ATP1B4: variants seen among roughly 807,000 people sequenced by gnomAD.
The protein encoded by ATP1B4 is ATPase Na+/K+ transporting family member beta 4, also known as protein ATP1B4.
A neutral mutation model predicts 29.6 loss-of-function variants in ATP1B4; 32 were observed. The observed-to-expected ratio is 1.08, with a 90% confidence interval of 0.82 to 1.45. The LOEUF is 1.45. Among genes scored for constraint, ATP1B4 ranks in the 40% most tolerant of loss-of-function variants. ATP1B4 has a pLI of 0.00. For synonymous variants in ATP1B4, 127 were observed against 102.1 expected, an observed-to-expected ratio of 1.24 and a Z score of -1.47; for missense variants, 323 against 276.2, an observed-to-expected ratio of 1.17 and a Z score of -1.20.
chrX:120,378,006 C>G (rs769537812), intron 6 of ATP1B4, among the ~76,000 whole-genome samples: 175 of 111,801 alleles, frequency 1.6e-3, no homozygotes, highest in African/African-American at 5.4e-3. Flanking sequence ...CCCTACCTGA[C>G]ATAATGTGAT....
intron 2 of ATP1B4, among the ~76,000 whole-genome samples, chrX:120,370,038 G>A (rs962160782): frequency 8.9e-6 from 1 of 111,757 alleles, no homozygotes; most frequent in Non-Finnish European, 1.9e-5. Context: ...AGGAATTGGA[G>A]GTGCAAGGAA....
At chrX:120,378,574 G>A in intron 6 of ATP1B4, 104 bp from the exon 7 acceptor site, 2 of 685,792 alleles carry the variant, frequency 2.9e-6, no homozygotes, top group Middle Eastern at 3.5e-4. Context: ...GGAACAGTTG[G>A]TTATGGTTCA....
chrX:120,380,588 G>C lies in ATP1B4; in HGVS notation c.*954G>C, dbSNP rs2058377170. 1 of 112,080 alleles carries C rather than the reference G, an allele frequency of 8.9e-6. No individual in the cohort carries two copies. The highest frequency in any genetic ancestry group is 1.9e-5 in the Non-Finnish European group (1 of 53,234). 9.2% of individuals were successfully genotyped at this position (112,080 alleles called of 1,213,427 possible). A position where few individuals can be genotyped will look rare whatever the true frequency, so the allele number is the denominator to read the frequency against. ...TGCAAACAGGTTTTTCTCAGCTTCA[G>C]GCAGAGGAGACAACATGGAAGAAGA... is the stretch of plus-strand genomic sequence containing the variant. On this transcript the variant is annotated 3_prime_UTR_variant, in exon 8 of 8. Coordinates refer to ENST00000218008, the MANE Select transcript of ATP1B4 (RefSeq NM_001142447.3).
At position 120,383,197 on chromosome X, in the gene ATP1B4, TGAG is replaced by T. The variant is rs2058388072; in HGVS notation, c.*3567_*3569del. Reference sequence around the variant, plus strand: ...ATGTAAAAAAACATTTATATTGTCTTGAGGAGTTGTCAACAACAATAAATTGAA... The same window carrying T: ...ATGTAAAAAAACATTTATATTGTCTTGAGTTGTCAACAACAATAAATTGAA... On this transcript the variant is annotated 3_prime_UTR_variant, in exon 8 of 8. Transcript: ENST00000218008. 1 of 112,298 alleles carries T rather than the reference TGAG, an allele frequency of 8.9e-6. No individual in the cohort carries two copies. The allele number at this position is 112,298 out of a possible 1,213,427, so 9.3% of individuals were successfully genotyped here. A position where few individuals can be genotyped will look rare whatever the true frequency, so the allele number is the denominator to read the frequency against.
chrX:120,366,064 GGTGAA>G (rs1484383775), intron 1 of ATP1B4, among the ~76,000 whole-genome samples: 2 of 111,985 alleles, frequency 1.8e-5, no homozygotes, highest in African/African-American at 6.5e-5. Flanking sequence ...AACTTGAAAT[GGTGAA>G]GTTGAGCAGC....
intron 4 of ATP1B4, among the ~76,000 whole-genome samples, chrX:120,374,035 C>T (rs753956652): frequency 8.1e-5 from 9 of 111,213 alleles, no homozygotes; most frequent in Admixed American, 2.9e-4. Flanking sequence ...AACTGCCCAG[C>T]GGGTTCACCT....
chrX:120,379,751 C>G lies in ATP1B4; in HGVS notation c.*117C>G. On this transcript the variant is annotated 3_prime_UTR_variant, in exon 8 of 8. Coordinates refer to ENST00000218008, the MANE Select transcript of ATP1B4 (RefSeq NM_001142447.3). Reference sequence around the variant, plus strand: ...ACAGCCAGATGGACATCTAAGACAGCCGATCATCTTTCCTTGCCTATGACA... The same window carrying G: ...ACAGCCAGATGGACATCTAAGACAGGCGATCATCTTTCCTTGCCTATGACA... 1.3e-6 allele frequency: 1 copy of G among 751,640 alleles called. No homozygotes were observed. The highest frequency in any genetic ancestry group is 1.9e-6 in the Non-Finnish European group (1 of 536,579). 61.9% of individuals were successfully genotyped at this position (751,640 alleles called of 1,213,427 possible). A position where few individuals can be genotyped will look rare whatever the true frequency, so the allele number is the denominator to read the frequency against.
chrX:120,367,528 A>G (rs2058292151), intron 2 of ATP1B4, among the ~76,000 whole-genome samples: 3 of 111,781 alleles, frequency 2.7e-5, no homozygotes, highest in Non-Finnish European at 5.6e-5. Context: ...TTAAACTATT[A>G]ATGCTGAGCC....
At chrX:120,378,855 G>C (rs913067831) in intron 7 of ATP1B4, 82 bp downstream of exon 7, 1 of 889,844 alleles carries the variant, frequency 1.1e-6, no homozygotes, top group Non-Finnish European at 1.6e-6. Flanking sequence ...ATGAGAATTA[G>C]GGAGCAGGAG....
chrX:120,379,784 A>G lies in ATP1B4; in HGVS notation c.*150A>G. ...CTTTCCTTGCCTATGACATGTGTAT[A>G]AAATGACATTGTGGGAGCTGTTCGA... On this transcript the variant is annotated 3_prime_UTR_variant, in exon 8 of 8. Coordinates refer to ENST00000218008, the MANE Select transcript of ATP1B4 (RefSeq NM_001142447.3). 1.8e-6 allele frequency: 1 copy of G among 553,894 alleles called. No homozygotes were observed. The highest frequency in any genetic ancestry group is 5.9e-4 in the Middle Eastern group (1 of 1,691). The allele number at this position is 553,894 out of a possible 1,213,427, so 45.6% of individuals were successfully genotyped here.
At position 120,375,529 on chromosome X, in the gene ATP1B4, C is replaced by T. The variant is rs944120246; in HGVS notation, c.720C>T (p.Tyr240=). Residue 240 remains tyrosine (Y), a synonymous_variant, in exon 5 of 8, where the codon TAC becomes TAT. Coordinates refer to ENST00000218008, the MANE Select transcript of ATP1B4 (RefSeq NM_001142447.3). ...GTCTGGAGGACCCAACTTTTGGATA[C>T]TCTACTGGACAGCCCTGCATCCTTC... The part of the protein sequence containing the change: ...CSGLEDPTFG[Y]STGQPCILLK... 2 of 1,210,396 alleles carry T rather than the reference C, an allele frequency of 1.7e-6. No homozygotes were observed. Among genetic ancestry groups the T allele is most frequent in the Admixed American group, 4.4e-5 (2 of 45,839 alleles).
At chrX:120,371,508 A>T (rs990045061) in intron 4 of ATP1B4, among the ~76,000 whole-genome samples, 12 of 112,014 alleles carry the variant, frequency 1.1e-4, no homozygotes, top group African/African-American at 3.9e-4. Context: ...GAACATATCC[A>T]GATGGCTCAA....
chrX:120,382,590 C>G lies in ATP1B4; in HGVS notation c.*2956C>G, dbSNP rs2058385573. On this transcript the variant is annotated 3_prime_UTR_variant, in exon 8 of 8. Coordinates refer to ENST00000218008, the MANE Select transcript of ATP1B4 (RefSeq NM_001142447.3). ...CTGAGCTGCTGCTTACCAGAAAGTA[C>G]CATCTTCTTAAAAATCAATGAATGA... 8.9e-6 allele frequency: 1 copy of G among 111,983 alleles called. No homozygotes were observed. Among genetic ancestry groups the G allele is most frequent in the African/African-American group, 3.2e-5 (1 of 30,869 alleles). 9.2% of individuals were successfully genotyped at this position (111,983 alleles called of 1,213,427 possible). A position where few individuals can be genotyped will look rare whatever the true frequency, so the allele number is the denominator to read the frequency against.
At position 120,380,100 on chromosome X, in the gene ATP1B4, T is replaced by C. The variant is rs1307795505; in HGVS notation, c.*466T>C. ...TCTGCCTAAGCCGGGTGTGGTGGCA[T>C]GCATCTGTAGTCCCACCTATTCAGG... On this transcript the variant is annotated 3_prime_UTR_variant, in exon 8 of 8. Coordinates refer to ENST00000218008, the MANE Select transcript of ATP1B4 (RefSeq NM_001142447.3). The C allele has an allele frequency of 8.9e-6, 1 of 112,627 alleles. No individual in the cohort carries two copies. Among genetic ancestry groups the C allele is most frequent in the Non-Finnish European group, 1.8e-5 (1 of 54,174 alleles). 9.3% of individuals were successfully genotyped at this position (112,627 alleles called of 1,213,427 possible).
chrX:120,371,346 C>T, intron 4 of ATP1B4, 136 bp downstream of exon 4: 1 of 490,858 alleles, frequency 2.0e-6, no homozygotes. Context: ...TACTTTGCAT[C>T]CCCCTTAGCA....
intron 5 of ATP1B4, among the ~76,000 whole-genome samples, 191 bp from the exon 6 acceptor site, chrX:120,376,189 G>A (rs769957302): frequency 5.4e-5 from 6 of 111,387 alleles, no homozygotes; most frequent in South Asian, 3.8e-4. Context: ...AATACAACAC[G>A]GAGTAAGCTG....
At position 120,373,051 on chromosome X, in the gene ATP1B4, G is replaced by A. The variant is rs181013137; in HGVS notation, c.562+1841G>A. Among the ~76,000 whole-genome samples, 675 of 112,163 alleles carry A rather than the reference G, an allele frequency of 6.0e-3. 1 individual carries two copies. The highest frequency in any genetic ancestry group is 0.011 in the Non-Finnish European group (560 of 53,274). ...TCTGACCTGATGATGATGGAAGCAG[G>A]AAATGCTAGGAAAAGCACTAGTTTT... On this transcript the variant is annotated intron_variant, in intron 4 of 7. Transcript: ENST00000218008.
intron 6 of ATP1B4, among the ~76,000 whole-genome samples, chrX:120,378,254 C>T (rs748019215): frequency 9.0e-6 from 1 of 111,472 alleles, no homozygotes; most frequent in Non-Finnish European, 1.9e-5. Context: ...TATGTTCTAA[C>T]GTATATCTTC....
chrX:120,378,475 A>G (rs2058366967), intron 6 of ATP1B4, among the ~76,000 whole-genome samples: 2 of 111,345 alleles, frequency 1.8e-5, no homozygotes, highest in South Asian at 7.6e-4. Flanking sequence ...TTTGAACTGA[A>G]AAGACAAGGC....
Sources: gnomAD v4.1 joint callset for allele counts (sites outside exome capture counted in the v4.1 genomes callset) on GRCh38, gnomAD v4.1.1 for gene constraint, MANE v1.5 for transcripts, NCBI Gene and HGNC (gene_info 2026-07-23, HGNC 2026-07-21) for gene names.